GPC6: variants seen among roughly 807,000 people sequenced by gnomAD.
GPC6 encodes the protein glypican-6.
Under a neutral mutation model 55.2 loss-of-function variants are expected in GPC6, and 14 were observed. That is an observed-to-expected ratio of 0.25 (90% confidence interval 0.17 to 0.40). GPC6 has a LOEUF of 0.40. Among genes scored for constraint, GPC6 ranks in the 10% least tolerant of loss-of-function variants. The pLI is 1.00. For synonymous variants in GPC6, 278 were observed against 259.6 expected, an observed-to-expected ratio of 1.07 and a Z score of -0.68; for missense variants, 641 against 708.5, an observed-to-expected ratio of 0.90 and a Z score of 1.08.
intron 3 of GPC6, among the ~76,000 whole-genome samples, chr13:93,835,271 A>C (rs532801607): frequency 6.6e-6 from 1 of 152,152 alleles, no homozygotes; most frequent in East Asian, 1.9e-4. Flanking sequence ...CCTAGGCAAC[A>C]TGGTAAAATC....
intron 1 of GPC6, among the ~76,000 whole-genome samples, chr13:93,275,002 A>G (rs1291605946): frequency 1.3e-5 from 2 of 152,224 alleles, no homozygotes; most frequent in African/African-American, 2.4e-5. Flanking sequence ...CTGAATCACA[A>G]GATTACATAT....
intron 1 of GPC6, among the ~76,000 whole-genome samples, chr13:93,372,143 T>C (rs569244487): frequency 6.6e-6 from 1 of 152,318 alleles, no homozygotes; most frequent in South Asian, 2.1e-4. Context: ...GTGTATCAAA[T>C]GCCTGTTATA....
At chr13:94,069,792 A>G (rs1036251202) in intron 4 of GPC6, among the ~76,000 whole-genome samples, 1 of 152,136 alleles carries the variant, frequency 6.6e-6, no homozygotes, top group East Asian at 1.9e-4. Context: ...TCCATCTGAG[A>G]CCACCTCAGC....
At chr13:94,168,633 A>G (rs1888451456) in intron 4 of GPC6, among the ~76,000 whole-genome samples, 1 of 149,358 alleles carries the variant, frequency 6.7e-6, no homozygotes. Flanking sequence ...TATTTATTAT[A>G]TTTTATCTAC....
intron 2 of GPC6, among the ~76,000 whole-genome samples, chr13:93,739,744 A>T (rs1421403545): frequency 1.3e-5 from 2 of 152,222 alleles, no homozygotes; most frequent in East Asian, 3.9e-4. Context: ...ATACATATCG[A>T]GTGTCCATTG....
At chr13:94,144,839 C>G (rs1158463595) in intron 4 of GPC6, among the ~76,000 whole-genome samples, 1 of 151,982 alleles carries the variant, frequency 6.6e-6, no homozygotes, top group East Asian at 1.9e-4. Flanking sequence ...AAATATGGAG[C>G]AGAGCATTAG....
intron 2 of GPC6, among the ~76,000 whole-genome samples, chr13:93,677,999 A>T (rs1487358396): frequency 2.0e-5 from 3 of 152,086 alleles, no homozygotes; most frequent in African/African-American, 7.2e-5. Context: ...ATAAAGAGAA[A>T]CATCTTTCCC....
At chr13:93,502,259 T>C (rs993569665) in intron 1 of GPC6, among the ~76,000 whole-genome samples, 5 of 145,492 alleles carry the variant, frequency 3.4e-5, no homozygotes, top group Non-Finnish European at 6.1e-5. Context: ...AAAAAGAGAG[T>C]GAGAGGGAGG....
At chr13:93,233,197 G>A (rs1318382414) in intron 1 of GPC6, among the ~76,000 whole-genome samples, 1 of 151,758 alleles carries the variant, frequency 6.6e-6, no homozygotes, top group Non-Finnish European at 1.5e-5. Flanking sequence ...TGACTCCCTG[G>A]GATCATATAT....
Position 93,387,296 on chromosome 13 carries a change from G to A in GPC6, c.161-157967G>A, listed in dbSNP as rs868586947. Reference sequence around the variant, plus strand: ...CAGGTTTTAAGGCCCGCATGCACCAGGTACCTGTACTAATGCTCTTCCTCC... The same window carrying A: ...CAGGTTTTAAGGCCCGCATGCACCAAGTACCTGTACTAATGCTCTTCCTCC... On this transcript the variant is annotated intron_variant, in intron 1 of 8. Coordinates refer to ENST00000377047, the MANE Select transcript of GPC6 (RefSeq NM_005708.5). 9.2e-5 allele frequency among the ~76,000 whole-genome samples: 14 copies of A among 152,220 alleles called. No homozygotes were observed. In the South Asian group the frequency reaches 1.0e-3, roughly 11 times the overall value.
chr13:93,271,508 A>G (rs539741252), intron 1 of GPC6, among the ~76,000 whole-genome samples: 99 of 152,280 alleles, frequency 6.5e-4, no homozygotes, highest in African/African-American at 2.3e-3. Context: ...CGTGACATGT[A>G]TCAGATACAG....
intron 2 of GPC6, among the ~76,000 whole-genome samples, chr13:93,616,350 C>T (rs1198086195): frequency 6.6e-6 from 1 of 151,820 alleles, no homozygotes; most frequent in African/African-American, 2.4e-5. Context: ...TTATGAAATT[C>T]ACAGTCTTTA....
At chr13:93,402,074 T>A (rs1876111522) in intron 1 of GPC6, among the ~76,000 whole-genome samples, 2 of 152,210 alleles carry the variant, frequency 1.3e-5, no homozygotes, top group African/African-American at 4.8e-5. Flanking sequence ...ATAGGACAAG[T>A]AAAAGGAAGA....
intron 4 of GPC6, among the ~76,000 whole-genome samples, chr13:94,044,927 A>AT (rs1020881396): frequency 3.3e-5 from 5 of 151,902 alleles, no homozygotes; most frequent in African/African-American, 7.2e-5. Flanking sequence ...CATATAAAGG[A>AT]TTTTTTTAAA....
chr13:94,146,003 A>G (rs971823498), intron 4 of GPC6, among the ~76,000 whole-genome samples: 5 of 152,226 alleles, frequency 3.3e-5, no homozygotes, highest in Non-Finnish European at 7.3e-5. Flanking sequence ...AATGCTCATA[A>G]AAGGATCAGA....
chr13:94,247,980 G>A (rs978648048), intron 4 of GPC6, among the ~76,000 whole-genome samples: 3 of 151,988 alleles, frequency 2.0e-5, no homozygotes, highest in Admixed American at 6.6e-5. Flanking sequence ...GAGGCTACAG[G>A]TACATGCCAC....
chr13:94,195,671 C>A (rs967936114), intron 4 of GPC6, among the ~76,000 whole-genome samples: 4 of 152,154 alleles, frequency 2.6e-5, no homozygotes, highest in African/African-American at 7.2e-5. Context: ...CAGTGCAATA[C>A]CTGGAAGATG....
At chr13:93,524,668 C>T (rs1434868514) in intron 1 of GPC6, among the ~76,000 whole-genome samples, 7 of 151,906 alleles carry the variant, frequency 4.6e-5, no homozygotes, top group African/African-American at 1.7e-4. Context: ...ACTTCTGTAC[C>T]CAAAGGTTAT....
chr13:94,366,922 C>A (rs965089517), intron 6 of GPC6, among the ~76,000 whole-genome samples: 9 of 152,072 alleles, frequency 5.9e-5, no homozygotes, highest in Non-Finnish European at 8.8e-5. Flanking sequence ...CAAAGCCAGG[C>A]AAGAGAGAAA....
Sources: gnomAD v4.1 joint callset for allele counts (sites outside exome capture counted in the v4.1 genomes callset) on GRCh38, gnomAD v4.1.1 for gene constraint, MANE v1.5 for transcripts, NCBI Gene and HGNC (gene_info 2026-07-23, HGNC 2026-07-21) for gene names.